Variants in THSD7B observed in about 807,000 individuals in gnomAD.
The protein encoded by THSD7B is thrombospondin type 1 domain containing 7B, also known as thrombospondin type-1 domain-containing protein 7B.
THSD7B carries 138 observed loss-of-function variants against 213.6 expected under a neutral mutation model. That is an observed-to-expected ratio of 0.65 (90% CI 0.56 to 0.74). The LOEUF is 0.74. Ranked by LOEUF, THSD7B falls within the 30% of genes least tolerant of loss-of-function variation. The pLI, the probability that THSD7B is intolerant of heterozygous loss-of-function variation, is 0.00. For synonymous variants in THSD7B, 742 were observed against 687.0 expected (o/e 1.08, Z -1.25); for missense variants, 1,931 against 1,991.5 (o/e 0.97, Z 0.58).
At chr2:137,307,772 G>T (rs765776919) in intron 12 of THSD7B, among the ~76,000 whole-genome samples, 1 of 152,064 alleles carries the variant, frequency 6.6e-6, no homozygotes, top group Non-Finnish European at 1.5e-5. Flanking sequence ...CATAAATTAC[G>T]TTCTTCTTAG....
intron 4 of THSD7B, among the ~76,000 whole-genome samples, chr2:137,097,769 G>GACACACACACACACACACAC (rs3050089): frequency 2.8e-5 from 4 of 141,350 alleles, no homozygotes; most frequent in African/African-American, 7.8e-5. Context: ...CGCTAAGTTT[G>GACACACACACACACACACAC]ACACACACAC....
chr2:137,487,218 A>G (rs1287033488), intron 15 of THSD7B, among the ~76,000 whole-genome samples: 2 of 147,034 alleles, frequency 1.4e-5, no homozygotes, highest in South Asian at 2.1e-4. Flanking sequence ...AATACAAAAA[A>G]TTAGCCGGGC....
At chr2:137,427,351 C>A (rs1299482257) in intron 14 of THSD7B, among the ~76,000 whole-genome samples, 1 of 152,082 alleles carries the variant, frequency 6.6e-6, no homozygotes, top group Non-Finnish European at 1.5e-5. Context: ...CGTCTGCACT[C>A]CCATGTTCAT....
Position 137,491,574 on chromosome 2 carries a change from A to G in THSD7B, c.3138+40551A>G, listed in dbSNP as rs191360364. Among the ~76,000 whole-genome samples, 438 of 152,342 alleles carry G rather than the reference A, an allele frequency of 2.9e-3. 1 individual carries two copies. Among genetic ancestry groups the G allele is most frequent in the African/African-American group, 0.01 (417 of 41,572 alleles). ...TAGCTAAATGGACTAGTATTCCGTC[A>G]TCATGTGGAGAGAGGTTTAGATTGG... On this transcript the variant is annotated intron_variant, in intron 15 of 27. Transcript: ENST00000409968.
intron 20 of THSD7B, among the ~76,000 whole-genome samples, chr2:137,629,366 G>A (rs992859166): frequency 6.6e-6 from 1 of 152,184 alleles, no homozygotes; most frequent in Non-Finnish European, 1.5e-5. Flanking sequence ...AGATCTCCGT[G>A]TTATTCCAAC....
At chr2:136,810,866 C>T (rs1314617184) in intron 1 of THSD7B, among the ~76,000 whole-genome samples, 4 of 152,116 alleles carry the variant, frequency 2.6e-5, no homozygotes. Context: ...CAGTGGTGCT[C>T]CTGGCATGGA....
chr2:137,413,175 T>G (rs1254364765), intron 14 of THSD7B, among the ~76,000 whole-genome samples: 1 of 152,176 alleles, frequency 6.6e-6, no homozygotes, highest in Non-Finnish European at 1.5e-5. Flanking sequence ...CCTAGATTAG[T>G]CTACATTAAT....
intron 2 of THSD7B, among the ~76,000 whole-genome samples, chr2:136,975,883 C>A (rs1395330691): frequency 6.6e-6 from 1 of 152,136 alleles, no homozygotes; most frequent in African/African-American, 2.4e-5. Flanking sequence ...TTCTAGTTCT[C>A]CTTGAAGAGG....
intron 2 of THSD7B, among the ~76,000 whole-genome samples, chr2:136,999,697 A>T (rs556966292): frequency 6.6e-6 from 1 of 152,260 alleles, no homozygotes; most frequent in South Asian, 2.1e-4. Flanking sequence ...AACTCACAAT[A>T]TTTAAGAAAT....
chr2:137,426,756 G>C (rs1043806103), intron 14 of THSD7B, among the ~76,000 whole-genome samples: 2 of 152,022 alleles, frequency 1.3e-5, no homozygotes, highest in African/African-American at 4.8e-5. Context: ...TGATATTTTG[G>C]ATATGACGCC....
At chr2:137,674,345 A>G (rs540352378) in intron 27 of THSD7B, among the ~76,000 whole-genome samples, 1 of 152,088 alleles carries the variant, frequency 6.6e-6, no homozygotes, top group East Asian at 1.9e-4. Flanking sequence ...GAGGGAGAAG[A>G]CTCCTACTGT....
At chr2:137,263,874 A>G (rs776379431) in intron 10 of THSD7B, among the ~76,000 whole-genome samples, 1 of 152,158 alleles carries the variant, frequency 6.6e-6, no homozygotes, top group Non-Finnish European at 1.5e-5. Flanking sequence ...TAAGCACTTA[A>G]GCCTCCATTT....
At chr2:137,141,057 G>A (rs1679575646) in intron 5 of THSD7B, among the ~76,000 whole-genome samples, 1 of 152,156 alleles carries the variant, frequency 6.6e-6, no homozygotes, top group African/African-American at 2.4e-5. Flanking sequence ...AGGGCAAGAG[G>A]GTTCCTGGAA....
At chr2:137,514,783 G>C (rs1680035618) in intron 15 of THSD7B, among the ~76,000 whole-genome samples, 1 of 152,070 alleles carries the variant, frequency 6.6e-6, no homozygotes, top group South Asian at 2.1e-4. Flanking sequence ...AAATGCATTT[G>C]ACACTCCTGA....
At chr2:137,277,438 A>G (rs1248740410) in intron 12 of THSD7B, among the ~76,000 whole-genome samples, 1 of 152,068 alleles carries the variant, frequency 6.6e-6, no homozygotes, top group Non-Finnish European at 1.5e-5. Flanking sequence ...CACTTTTAGC[A>G]TAGTAGGATG....
intron 1 of THSD7B, among the ~76,000 whole-genome samples, chr2:136,770,720 G>A (rs759352317): frequency 5.9e-5 from 9 of 152,100 alleles, no homozygotes; most frequent in East Asian, 1.9e-4. Flanking sequence ...ATTTGTACTC[G>A]TGACAAGAAT....
intron 10 of THSD7B, among the ~76,000 whole-genome samples, chr2:137,256,035 GT>G (rs1003057857): frequency 5.7e-4 from 85 of 150,428 alleles, no homozygotes; most frequent in South Asian, 3.2e-3. Context: ...CCTTCTTCCT[GT>G]TTTTTTTTCT....
intron 15 of THSD7B, among the ~76,000 whole-genome samples, chr2:137,505,624 G>T (rs1221871818): frequency 6.6e-6 from 1 of 152,184 alleles, no homozygotes; most frequent in African/African-American, 2.4e-5. Flanking sequence ...GTACAGAGTG[G>T]CAACTTTGCA....
At chr2:137,438,223 C>T (rs1452235195) in intron 14 of THSD7B, among the ~76,000 whole-genome samples, 1 of 152,070 alleles carries the variant, frequency 6.6e-6, no homozygotes, top group Non-Finnish European at 1.5e-5. Context: ...AGTAAGTGTC[C>T]TGGTTGATTT....
Sources: gnomAD v4.1 joint callset for allele counts (sites outside exome capture counted in the v4.1 genomes callset) on GRCh38, gnomAD v4.1.1 for gene constraint, MANE v1.5 for transcripts, NCBI Gene and HGNC (gene_info 2026-07-23, HGNC 2026-07-21) for gene names.